The following TRPM7 variants were observed in gnomAD, a reference collection of about 807,000 sequenced individuals.
TRPM7 encodes the protein transient receptor potential cation channel subfamily M member 7, also known as LTRPC ion channel family member 7.
Under a neutral mutation model 229.7 loss-of-function variants are expected in TRPM7, and 134 were observed. The ratio of observed to expected loss-of-function variants is 0.58; its 90% CI spans 0.51 to 0.67. TRPM7 has a LOEUF of 0.67. Ranked by LOEUF, TRPM7 falls within the 30% of genes least tolerant of loss-of-function variation. The pLI is 0.00. For missense variants in TRPM7, 1,901 were observed against 2,210.0 expected (o/e 0.86, Z 2.80); for synonymous variants, 699 against 715.2 (o/e 0.98, Z 0.36).
chr15:50,628,788 G>A (rs1283084167), intron 10 of TRPM7, among the ~76,000 whole-genome samples: 2 of 152,146 alleles, frequency 1.3e-5, no homozygotes, highest in African/African-American at 4.8e-5. Flanking sequence ...AAAATGAGAA[G>A]AAAACAAAGA....
At chr15:50,648,431 A>G (rs2061330702) in intron 4 of TRPM7, among the ~76,000 whole-genome samples, 1 of 152,230 alleles carries the variant, frequency 6.6e-6, no homozygotes, top group African/African-American at 2.4e-5. Context: ...GAAAAGGAAG[A>G]AAGATGGCTT....
Position 50,558,759 on chromosome 15 carries a change from G to C in TRPM7, c.*2919C>G, listed in dbSNP as rs1196179481. On this transcript the variant is annotated 3_prime_UTR_variant, in exon 39 of 39. Coordinates refer to ENST00000646667, the MANE Select transcript of TRPM7 (RefSeq NM_017672.6). ...ATATATAAAATTAGGTACGTGTGGT[G>C]GTGCATGCCTGTGGTTCCACCTAAT... The C allele has an allele frequency of 6.6e-6, 1 of 152,028 alleles. No individual in the cohort carries two copies. The highest frequency in any genetic ancestry group is 1.5e-5 in the Non-Finnish European group (1 of 68,012). 9.4% of individuals were successfully genotyped at this position (152,028 alleles called of 1,614,324 possible).
chr15:50,623,421 A>C (rs1349824054), intron 12 of TRPM7, among the ~76,000 whole-genome samples: 1 of 151,608 alleles, frequency 6.6e-6, no homozygotes, highest in African/African-American at 2.4e-5. Flanking sequence ...AAAAAAAAAA[A>C]AGAAAGAAAA....
intron 21 of TRPM7, among the ~76,000 whole-genome samples, chr15:50,601,716 G>A (rs780279447): frequency 6.6e-6 from 1 of 152,020 alleles, no homozygotes; most frequent in Non-Finnish European, 1.5e-5. Flanking sequence ...AGTGTGAGAA[G>A]TTTAGCATTT....
chr15:50,637,324 A>G (rs2140719454), intron 7 of TRPM7, 98 bp downstream of exon 7: 2 of 1,128,022 alleles, frequency 1.8e-6, no homozygotes, highest in Non-Finnish European at 2.5e-6. Flanking sequence ...TTGCTATGTA[A>G]GAAAGAGCAC....
At chr15:50,643,915 G>C (rs2061184526) in intron 4 of TRPM7, among the ~76,000 whole-genome samples, 1 of 149,086 alleles carries the variant, frequency 6.7e-6, no homozygotes, top group African/African-American at 2.4e-5. Context: ...ACTGGCTGAA[G>C]AGGATCGGAA....
At chr15:50,662,210 G>T (rs920481680) in intron 2 of TRPM7, among the ~76,000 whole-genome samples, 1 of 152,030 alleles carries the variant, frequency 6.6e-6, no homozygotes, top group African/African-American at 2.4e-5. Context: ...AAATTTAGCC[G>T]GCTGTGGTGG....
At chr15:50,676,835 G>A (rs558426914) in intron 1 of TRPM7, among the ~76,000 whole-genome samples, 4 of 152,086 alleles carry the variant, frequency 2.6e-5, no homozygotes, top group Non-Finnish European at 4.4e-5. Context: ...GAAAGTTTCC[G>A]CAAGAGTTGA....
intron 22 of TRPM7, among the ~76,000 whole-genome samples, chr15:50,596,988 T>C (rs1303750675): frequency 6.6e-6 from 1 of 152,216 alleles, no homozygotes; most frequent in Non-Finnish European, 1.5e-5. Context: ...GACCTCGTGA[T>C]CTGTCAGCCT....
intron 9 of TRPM7, 119 bp downstream of exon 9, chr15:50,632,750 A>G (rs2060775874): frequency 2.0e-6 from 2 of 976,998 alleles, no homozygotes. Flanking sequence ...TATGGTTAAT[A>G]AAGATTTCAA....
Position 50,657,797 on chromosome 15 carries a change from A to ATCCTGG in TRPM7, c.105_106insCCAGGA (p.Ile35_Cys36insProGly), listed in dbSNP as rs1391714388. 8 of 1,611,920 alleles carry ATCCTGG rather than the reference A, an allele frequency of 5.0e-6. No homozygotes were observed. The highest frequency in any genetic ancestry group is 1.3e-5 in the African/African-American group (1 of 74,888). ...TAAACTTACCTGACGAGTTGCTGAC[A>ATCCTGG]AATTTGACATCCTGGAAGGCATCTA... On this transcript the variant is annotated inframe_insertion, in exon 3 of 39. Coordinates refer to ENST00000646667, the MANE Select transcript of TRPM7 (RefSeq NM_017672.6).
At chr15:50,599,095 A>G (rs748633666) in intron 22 of TRPM7, 27 bp downstream of exon 22, 1 of 1,514,184 alleles carries the variant, frequency 6.6e-7, no homozygotes, top group South Asian at 1.3e-5. Flanking sequence ...TAACCAAAAG[A>G]TAAATCTGTA....
rs1334747925 is a variant in TRPM7, at chr15:50,594,450, C to A, written c.3454G>T (p.Asp1152Tyr). Residue 1152 changes from aspartate to tyrosine, a missense_variant, in exon 24 of 39, where the codon GAT becomes TAT. This residue lies in a region of TRPM7 where 533 missense variants were observed against 497.1 expected (regional missense o/e 1.07). Coordinates refer to ENST00000646667, the MANE Select transcript of TRPM7 (RefSeq NM_017672.6). ...FCCICKRRKKDKTSDGPKLFL... is the reference protein window; with the variant it reads ...FCCICKRRKKYKTSDGPKLFL... ...TTACTTGGTCCATCGGAAGTCTTAT[C>A]TTTCTTTCTTCTCTTACATATGCAG... 1.2e-6 allele frequency: 2 copies of A among 1,610,954 alleles called. No homozygotes were observed. The highest frequency in any genetic ancestry group is 2.2e-5 in the South Asian group (2 of 90,496).
intron 38 of TRPM7, among the ~76,000 whole-genome samples, chr15:50,565,929 T>C (rs1011491729): frequency 7.9e-5 from 12 of 151,998 alleles, no homozygotes; most frequent in African/African-American, 2.9e-4. Context: ...GTCCCAGTGA[T>C]TCTCCTGCCT....
At chr15:50,676,814 G>T (rs2062103419) in intron 1 of TRPM7, among the ~76,000 whole-genome samples, 1 of 152,076 alleles carries the variant, frequency 6.6e-6, no homozygotes, top group African/African-American at 2.4e-5. Context: ...ACAGCAGCTG[G>T]AAAGTGATGG....
chr15:50,616,543 G>C (rs1026470456), intron 13 of TRPM7, among the ~76,000 whole-genome samples: 1 of 152,198 alleles, frequency 6.6e-6, no homozygotes, highest in East Asian at 1.9e-4. Context: ...GGGGACAGAA[G>C]TGGGGAGTAC....
chr15:50,593,759 G>A lies in TRPM7; in HGVS notation c.3476-10C>T, dbSNP rs941333230. 7.3e-5 allele frequency: 116 copies of A among 1,594,598 alleles called. No individual in the cohort carries two copies. The highest frequency in any genetic ancestry group is 9.7e-5 in the Non-Finnish European group (114 of 1,174,670). ...TCTGTTAAGAAAAGTTCTATGGGAG[G>A]AAAAGGAGAAGAAAATCAAGGAAGA... is the stretch of plus-strand genomic sequence containing the variant. On this transcript the variant is annotated splice_polypyrimidine_tract_variant and intron_variant, in intron 24 of 38. Coordinates refer to ENST00000646667, the MANE Select transcript of TRPM7 (RefSeq NM_017672.6).
intron 19 of TRPM7, among the ~76,000 whole-genome samples, chr15:50,608,798 G>T (rs1009038350): frequency 5.9e-5 from 9 of 152,112 alleles, no homozygotes; most frequent in African/African-American, 2.2e-4. Context: ...TTCCTATGAC[G>T]GGGAGTTAAG....
At chr15:50,633,183 G>C (rs925244144) in intron 8 of TRPM7, among the ~76,000 whole-genome samples, 191 bp from the exon 9 acceptor site, 4 of 152,106 alleles carry the variant, frequency 2.6e-5, no homozygotes, top group Non-Finnish European at 1.5e-5. Context: ...AAATGAAACG[G>C]AGTGATTTTT....
Sources: allele counts gnomAD v4.1 joint callset (sites outside exome capture counted in the v4.1 genomes callset), GRCh38; gene constraint gnomAD v4.1.1; regional missense constraint gnomAD v4.1.1; transcripts MANE v1.5; gene names NCBI Gene and HGNC (gene_info 2026-07-23, HGNC 2026-07-21).